The following LRFN5 variants were observed in gnomAD, a reference collection of about 807,000 sequenced individuals.
LRFN5 encodes leucine rich repeat and fibronectin type III domain containing 5.
Under a neutral mutation model 45.6 loss-of-function variants are expected in LRFN5, and 24 were observed. The observed-to-expected ratio is 0.53, with a 90% confidence interval of 0.38 to 0.74. LRFN5 has a LOEUF of 0.74. Ranked by LOEUF, LRFN5 falls within the 30% of genes least tolerant of loss-of-function variation. LRFN5 has a pLI of 0.00. For synonymous variants in LRFN5, 340 were observed against 313.8 expected, an observed-to-expected ratio of 1.08 and a Z score of -0.88; for missense variants, 776 against 861.5, an observed-to-expected ratio of 0.90 and a Z score of 1.24.
chr14:41,735,380 A>G (rs150734677), intron 1 of LRFN5, among the ~76,000 whole-genome samples: 2 of 151,732 alleles, frequency 1.3e-5, no homozygotes, highest in Non-Finnish European at 1.5e-5. Flanking sequence ...CAATCTCCCT[A>G]CCTCAGCCTG....
At chr14:41,738,722 T>C (rs61992378) in intron 1 of LRFN5, among the ~76,000 whole-genome samples, 7 of 152,108 alleles carry the variant, frequency 4.6e-5, no homozygotes, top group Non-Finnish European at 8.8e-5. Context: ...ATCATTACAT[T>C]ATGGAATCTC....
At chr14:41,706,121 A>G (rs1159738834) in intron 1 of LRFN5, among the ~76,000 whole-genome samples, 1 of 150,780 alleles carries the variant, frequency 6.6e-6, no homozygotes, top group African/African-American at 2.4e-5. Context: ...TTTTTTTGAC[A>G]CAGAGTTTTG....
intron 1 of LRFN5, among the ~76,000 whole-genome samples, chr14:41,747,081 A>G (rs75200396): frequency 0.014 from 2,085 of 152,130 alleles, 14 homozygotes; most frequent in Middle Eastern, 0.034. Context: ...AAGAATCCCT[A>G]TGTTCACCAT....
chr14:41,673,263 A>C (rs1372038101), intron 1 of LRFN5, among the ~76,000 whole-genome samples: 2 of 151,416 alleles, frequency 1.3e-5, no homozygotes, highest in Non-Finnish European at 2.9e-5. Flanking sequence ...GGCCGGGCAG[A>C]GGGGCTCCTC....
chr14:41,611,843 T>C (rs1039367158), intron 1 of LRFN5, among the ~76,000 whole-genome samples: 3 of 152,212 alleles, frequency 2.0e-5, no homozygotes, highest in Non-Finnish European at 2.9e-5. Flanking sequence ...CTTTCCTTTT[T>C]CTCAAGAGGC....
intron 3 of LRFN5, among the ~76,000 whole-genome samples, chr14:41,889,049 GTATA>G (rs1043842214): frequency 6.8e-6 from 1 of 146,304 alleles, no homozygotes; most frequent in Non-Finnish European, 1.5e-5. Flanking sequence ...ATACATGTGT[GTATA>G]TATATACACA....
intron 1 of LRFN5, among the ~76,000 whole-genome samples, chr14:41,745,377 A>G (rs1377570971): frequency 3.9e-5 from 6 of 152,072 alleles, no homozygotes; most frequent in African/African-American, 1.4e-4. Flanking sequence ...GTACTCAGTG[A>G]AAGCAATGCT....
intron 1 of LRFN5, among the ~76,000 whole-genome samples, chr14:41,751,014 G>A (rs540610684): frequency 3.3e-5 from 5 of 151,670 alleles, no homozygotes; most frequent in East Asian, 3.9e-4. Flanking sequence ...GATGTTCCCC[G>A]CCCTGTGTCC....
intron 2 of LRFN5, among the ~76,000 whole-genome samples, chr14:41,879,373 A>G (rs1890294888): frequency 6.6e-6 from 1 of 151,918 alleles, no homozygotes; most frequent in Non-Finnish European, 1.5e-5. Flanking sequence ...AAAATTAATC[A>G]CCTACTCACA....
At chr14:41,750,997 A>G (rs951392647) in intron 1 of LRFN5, among the ~76,000 whole-genome samples, 1 of 151,938 alleles carries the variant, frequency 6.6e-6, no homozygotes, top group Non-Finnish European at 1.5e-5. Context: ...GACAGGCCCC[A>G]GTGTGTGATG....
chr14:41,880,285 G>A, intron 2 of LRFN5, among the ~76,000 whole-genome samples: 1 of 151,568 alleles, frequency 6.6e-6, no homozygotes, highest in East Asian at 1.9e-4. Flanking sequence ...TTTTTGATCT[G>A]ATTTCTATTT....
chr14:41,702,530 G>A (rs7143768), intron 1 of LRFN5, among the ~76,000 whole-genome samples: 35,630 of 151,960 alleles, frequency 0.23, 4,327 homozygotes, highest in Non-Finnish European at 0.28. Context: ...TGACACAATC[G>A]TAGCTCATTA....
At chr14:41,814,402 A>C (rs1304382508) in intron 2 of LRFN5, among the ~76,000 whole-genome samples, 1 of 152,146 alleles carries the variant, frequency 6.6e-6, no homozygotes, top group African/African-American at 2.4e-5. Context: ...CAATAGGTTT[A>C]ATTAAGGTTT....
intron 2 of LRFN5, among the ~76,000 whole-genome samples, chr14:41,792,881 A>T (rs1293824857): frequency 6.6e-6 from 1 of 151,968 alleles, no homozygotes; most frequent in African/African-American, 2.4e-5. Flanking sequence ...ATAACAAATT[A>T]TAAAAGTATT....
chr14:41,756,558 A>G (rs1428082002), intron 1 of LRFN5, among the ~76,000 whole-genome samples: 1 of 152,124 alleles, frequency 6.6e-6, no homozygotes, highest in African/African-American at 2.4e-5. Context: ...TCGGCTACTG[A>G]GGCTTGTGCA....
intron 2 of LRFN5, among the ~76,000 whole-genome samples, chr14:41,884,229 A>G (rs550295544): frequency 6.4e-4 from 97 of 152,284 alleles, no homozygotes; most frequent in Middle Eastern, 6.8e-3. Context: ...TTAACTCACT[A>G]TCTCAAGGAT....
At position 41,754,229 on chromosome 14, in the gene LRFN5, T is replaced by TC. The variant is rs1217245637; in HGVS notation, c.-196-12625_-196-12624insC. On this transcript the variant is annotated intron_variant, in intron 1 of 5. Coordinates refer to ENST00000298119, the MANE Select transcript of LRFN5 (RefSeq NM_152447.5). The stretch of plus-strand genomic sequence containing the variant: ...GGGATATTGGTCTAAAATTCTCTTT[T>TC]TTTGTTGTGTCTCTGCCAGGCTTTG... Among the ~76,000 whole-genome samples, 16 of 152,220 alleles carry TC rather than the reference T, an allele frequency of 1.1e-4. No homozygotes were observed. The East Asian group carries it at 1.9e-3, about 18-fold the overall frequency.
chr14:41,873,628 A>G (rs116116165), intron 2 of LRFN5, among the ~76,000 whole-genome samples: 1 of 151,928 alleles, frequency 6.6e-6, no homozygotes, highest in East Asian at 1.9e-4. Flanking sequence ...CCCATTTTTC[A>G]TGTTCACAGA....
intron 1 of LRFN5, among the ~76,000 whole-genome samples, chr14:41,727,410 C>G (rs1883983458): frequency 6.6e-6 from 1 of 151,694 alleles, no homozygotes; most frequent in Admixed American, 6.6e-5. Context: ...TTGAGACCAG[C>G]CTGGGCAGCA....
Sources: allele counts gnomAD v4.1 joint callset (sites outside exome capture counted in the v4.1 genomes callset), GRCh38; gene constraint gnomAD v4.1.1; transcripts MANE v1.5; gene names NCBI Gene and HGNC (gene_info 2026-07-23, HGNC 2026-07-21).